Variants in EYA1 observed in about 807,000 individuals in gnomAD.
EYA1 encodes protein phosphatase EYA1.
EYA1 carries 16 observed loss-of-function variants against 82.0 expected under a neutral mutation model. The ratio of observed to expected loss-of-function variants is 0.20; its 90% confidence interval spans 0.13 to 0.30. The LOEUF is 0.30. EYA1 is among the 10% of genes least tolerant of loss of function. The pLI, the probability that EYA1 is intolerant of heterozygous loss-of-function variation, is 1.00. For missense variants in EYA1, 633 were observed against 730.7 expected (o/e 0.87, Z 1.54); for synonymous variants, 261 against 264.4 (o/e 0.99, Z 0.12).
At chr8:71,290,075 T>C (rs750122437) in intron 9 of EYA1, among the ~76,000 whole-genome samples, 3 of 152,206 alleles carry the variant, frequency 2.0e-5, no homozygotes, top group Non-Finnish European at 4.4e-5. Context: ...TTTATAATTT[T>C]GTCCCATGTT....
intron 2 of EYA1, among the ~76,000 whole-genome samples, chr8:71,369,628 T>C (rs1827972527): frequency 1.3e-5 from 2 of 152,348 alleles, no homozygotes; most frequent in South Asian, 4.1e-4. Flanking sequence ...TCAATTTAAT[T>C]AAATGAGTGT....
In EYA1 at chr8:71,241,983, T is replaced by C. The variant is rs536866587; in HGVS notation, c.1140+2620A>G. ...GCCTTGGGTGGGTGGCCGAGGCAGG[T>C]GGCTCACCTGAGGTCAGGAGTTTGA... On this transcript the variant is annotated intron_variant, in intron 12 of 17. Transcript: ENST00000340726. Among the ~76,000 whole-genome samples the C allele has an allele frequency of 1.2e-4, 18 of 152,262 alleles. No individual in the cohort carries two copies. The South Asian group carries it at 1.2e-3, about 11-fold the overall frequency.
At chr8:71,213,151 A>G (rs1283055080) in intron 16 of EYA1, among the ~76,000 whole-genome samples, 1 of 152,158 alleles carries the variant, frequency 6.6e-6, no homozygotes, top group Non-Finnish European at 1.5e-5. Flanking sequence ...TTCCACCACC[A>G]CATATTTTTT....
intron 2 of EYA1, among the ~76,000 whole-genome samples, chr8:71,382,589 A>T (rs78559745): frequency 0.023 from 3,522 of 152,220 alleles, 81 homozygotes; most frequent in African/African-American, 0.059. Context: ...AGTATACATT[A>T]ATAGGAAATA....
At chr8:71,473,529 T>A in intron 2 of EYA1, among the ~76,000 whole-genome samples, 1 of 152,026 alleles carries the variant, frequency 6.6e-6, no homozygotes, top group East Asian at 1.9e-4. Flanking sequence ...AGAATGGTGA[T>A]CATTAAAAAG....
At position 71,198,360 on chromosome 8, in the gene EYA1, T is replaced by C. The variant is rs1197443833; in HGVS notation, c.*980A>G. On this transcript the variant is annotated 3_prime_UTR_variant, in exon 18 of 18. Coordinates refer to ENST00000340726, the MANE Select transcript of EYA1 (RefSeq NM_000503.6). ...ATTTCATCAAGGCCCTCAGAAGAAC[T>C]GATGCAGGAAAAAATTTTAGAAAAC... 6.6e-6 allele frequency: 1 copy of C among 152,552 alleles called. No individual in the cohort carries two copies. The highest frequency in any genetic ancestry group is 2.4e-5 in the African/African-American group (1 of 41,418). The allele number at this position is 152,552 out of a possible 1,614,324, so 9.4% of individuals were successfully genotyped here.
At chr8:71,385,414 A>G (rs979972618) in intron 2 of EYA1, among the ~76,000 whole-genome samples, 1 of 152,176 alleles carries the variant, frequency 6.6e-6, no homozygotes, top group Non-Finnish European at 1.5e-5. Context: ...AATGGAAAGA[A>G]ATGTAGGTAC....
chr8:71,495,401 G>C (rs1206289789), intron 2 of EYA1, among the ~76,000 whole-genome samples: 1 of 152,082 alleles, frequency 6.6e-6, no homozygotes, highest in Admixed American at 6.6e-5. Context: ...ATCACTTGAG[G>C]TCAGGAGTTC....
chr8:71,539,414 G>T (rs948912919), intron 1 of EYA1, among the ~76,000 whole-genome samples: 1 of 152,162 alleles, frequency 6.6e-6, no homozygotes, highest in Non-Finnish European at 1.5e-5. Context: ...GCTCCAGGTG[G>T]TAGAGCGCCT....
intron 4 of EYA1, among the ~76,000 whole-genome samples, chr8:71,324,225 G>A (rs1227225161): frequency 6.6e-6 from 1 of 151,946 alleles, no homozygotes; most frequent in East Asian, 1.9e-4. Flanking sequence ...TCAGGGTTAT[G>A]GGTTACTACA....
At chr8:71,326,392 C>T (rs1163501240) in intron 4 of EYA1, among the ~76,000 whole-genome samples, 2 of 151,674 alleles carry the variant, frequency 1.3e-5, no homozygotes, top group Admixed American at 6.6e-5. Flanking sequence ...AAAATATACC[C>T]CAAACCTTAC....
At chr8:71,458,982 C>T (rs1441473461) in intron 2 of EYA1, among the ~76,000 whole-genome samples, 3 of 152,072 alleles carry the variant, frequency 2.0e-5, no homozygotes, top group Non-Finnish European at 4.4e-5. Flanking sequence ...GAGTTTATTA[C>T]AGTGGCGGCT....
chr8:71,484,172 G>A (rs2129215617), intron 2 of EYA1, among the ~76,000 whole-genome samples: 1 of 152,274 alleles, frequency 6.6e-6, no homozygotes, highest in Non-Finnish European at 1.5e-5. Context: ...AGGGGAAAGG[G>A]AAAAAACTGA....
chr8:71,231,441 T>C (rs1347684617), intron 12 of EYA1, among the ~76,000 whole-genome samples: 2 of 152,224 alleles, frequency 1.3e-5, no homozygotes, highest in Admixed American at 6.5e-5. Context: ...TGTTCCTAAA[T>C]GTCATGCTTT....
intron 9 of EYA1, among the ~76,000 whole-genome samples, 162 bp downstream of exon 9, chr8:71,298,884 AT>A (rs1266810427): frequency 1.3e-5 from 2 of 152,250 alleles, no homozygotes; most frequent in African/African-American, 4.8e-5. Context: ...AAATAAAAAA[AT>A]AAATAAAAAT....
chr8:71,253,372 A>T (rs115543335), intron 11 of EYA1, among the ~76,000 whole-genome samples: 2,741 of 152,196 alleles, frequency 0.018, 78 homozygotes, highest in African/African-American at 0.063. Flanking sequence ...TAAAAAATAA[A>T]AAAGGATCCT....
At position 71,242,937 on chromosome 8, in the gene EYA1, C is replaced by A. The variant is rs144069896; in HGVS notation, c.1140+1666G>T. Among the ~76,000 whole-genome samples, 14 of 149,836 alleles carry A rather than the reference C, an allele frequency of 9.3e-5. No homozygotes were observed. In the East Asian group the frequency reaches 2.7e-3, roughly 29 times the overall value. ...GGATTACAAGCATTGGCCACCACAC[C>A]CAGCTAATTTTGTATTTTTAATAGA... On this transcript the variant is annotated intron_variant, in intron 12 of 17. Coordinates refer to ENST00000340726, the MANE Select transcript of EYA1 (RefSeq NM_000503.6).
intron 9 of EYA1, among the ~76,000 whole-genome samples, chr8:71,278,920 C>T (rs547336982): frequency 1.3e-5 from 2 of 152,268 alleles, no homozygotes; most frequent in East Asian, 1.9e-4. Context: ...GGAGGCCCTC[C>T]TCACTCATAT....
intron 2 of EYA1, chr8:71,529,424 TTAGA>T (rs1814084235): frequency 6.6e-6 from 1 of 152,244 alleles, no homozygotes; most frequent in Non-Finnish European, 1.5e-5. Context: ...ATATTCATTA[TTAGA>T]TACTTCCATC....
Sources: allele counts gnomAD v4.1 joint callset (sites outside exome capture counted in the v4.1 genomes callset), GRCh38; gene constraint gnomAD v4.1.1; transcripts MANE v1.5; gene names NCBI Gene and HGNC (gene_info 2026-07-23, HGNC 2026-07-21).